The following NCKAP1L variants were observed in gnomAD, a reference collection of about 807,000 sequenced individuals.
The protein encoded by NCKAP1L is nck-associated protein 1-like.
NCKAP1L carries 53 observed loss-of-function variants against 139.2 expected under a neutral mutation model. The ratio of observed to expected loss-of-function variants is 0.38; its 90% CI spans 0.31 to 0.48. The LOEUF (loss-of-function observed/expected upper bound fraction) is 0.48. Among genes scored for constraint, NCKAP1L ranks in the 20% least tolerant of loss-of-function variants. The pLI is 0.98. For missense variants in NCKAP1L, 1,151 were observed against 1,381.9 expected (o/e 0.83, Z 2.65); for synonymous variants, 468 against 499.7 (o/e 0.94, Z 0.85).
Position 54,500,524 on chromosome 12 carries a change from T to C in NCKAP1L, c.214-9T>C. The C allele has an allele frequency of 6.3e-7, 1 of 1,596,664 alleles. No homozygotes were observed. The highest frequency in any genetic ancestry group is 8.6e-7 in the Non-Finnish European group (1 of 1,164,308). On this transcript the variant is annotated splice_polypyrimidine_tract_variant and intron_variant, in intron 2 of 30. Coordinates refer to ENST00000293373, the MANE Select transcript of NCKAP1L (RefSeq NM_005337.5). The stretch of plus-strand genomic sequence containing the variant: ...ACTTTTTTATTGTTTTGTTTTGTGT[T>C]TCTCTCAGCAACATTTAGGACCAGT...
intron 3 of NCKAP1L, among the ~76,000 whole-genome samples, chr12:54,506,714 T>G (rs1477156037): frequency 6.8e-6 from 1 of 146,992 alleles, no homozygotes; most frequent in African/African-American, 2.5e-5. Context: ...ATTACAGGTG[T>G]GAACCGCCAT....
intron 18 of NCKAP1L, among the ~76,000 whole-genome samples, chr12:54,523,193 C>T (rs1189477454): frequency 6.6e-6 from 1 of 152,062 alleles, no homozygotes; most frequent in African/African-American, 2.4e-5. Flanking sequence ...CCTGTACACA[C>T]AGAGATATTT....
intron 20 of NCKAP1L, among the ~76,000 whole-genome samples, chr12:54,525,739 C>G (rs542904507): frequency 1.3e-5 from 2 of 152,252 alleles, no homozygotes; most frequent in South Asian, 4.2e-4. Flanking sequence ...TTTCCCATCC[C>G]CTCCCCTGCC....
In NCKAP1L at chr12:54,545,101, C is replaced by T. The variant is rs961532238; in HGVS notation, c.*2416C>T. 6.6e-6 allele frequency: 1 copy of T among 152,194 alleles called. No individual in the cohort carries two copies. The highest frequency in any genetic ancestry group is 6.5e-5 in the Admixed American group (1 of 15,284). 9.4% of individuals were successfully genotyped at this position (152,194 alleles called of 1,614,324 possible). A position where few individuals can be genotyped will look rare whatever the true frequency, so the allele number is the denominator to read the frequency against. On this transcript the variant is annotated 3_prime_UTR_variant, in exon 31 of 31. Transcript: ENST00000293373. ...CAATTTTATAGCAATTTTCTCCTCC[C>T]ACAACCCCCTTCCCCATCTCTAGCT...
intron 3 of NCKAP1L, among the ~76,000 whole-genome samples, chr12:54,505,227 T>C (rs1255422188): frequency 6.6e-6 from 1 of 152,248 alleles, no homozygotes; most frequent in Admixed American, 6.5e-5. Flanking sequence ...AGGGCACATT[T>C]TGGGGGACAG....
In NCKAP1L at chr12:54,500,846, TAGTAA is replaced by T. The variant is rs1956792246; in HGVS notation, c.306+223_306+227del. Reference sequence around the variant, plus strand: ...AAAAGAGTATGTATGTATATGTATTTAGTAAATATCTAGGAAAGATCTGGACTATT... The same window carrying T: ...AAAAGAGTATGTATGTATATGTATTTATATCTAGGAAAGATCTGGACTATT... On this transcript the variant is annotated intron_variant, in intron 3 of 30. Coordinates refer to ENST00000293373, the MANE Select transcript of NCKAP1L (RefSeq NM_005337.5). The T allele has an allele frequency of 1.0e-5, 4 of 385,242 alleles. No homozygotes were observed. In the East Asian group the frequency reaches 1.9e-4, roughly 18 times the overall value. The allele number at this position is 385,242 out of a possible 1,614,324, so 23.9% of individuals were successfully genotyped here.
intron 3 of NCKAP1L, among the ~76,000 whole-genome samples, chr12:54,506,785 T>TAAAAAAAAAA (rs1291340610): frequency 3.3e-5 from 2 of 60,350 alleles, no homozygotes; most frequent in South Asian, 7.9e-4. Context: ...GGCAACATAT[T>TAAAAAAAAAA]AAAAAAAAAA....
At chr12:54,516,130 C>G in intron 9 of NCKAP1L, 109 bp from the exon 10 acceptor site, 2 of 1,072,286 alleles carry the variant, frequency 1.9e-6, no homozygotes, top group Non-Finnish European at 2.9e-6. Flanking sequence ...GTGAGGGCTG[C>G]CCATGCTCCC....
chr12:54,538,170 C>T (rs374062140), intron 29 of NCKAP1L, among the ~76,000 whole-genome samples: 1 of 152,228 alleles, frequency 6.6e-6, no homozygotes, highest in African/African-American at 2.4e-5. Context: ...AGGAATTATA[C>T]CCTCATTCTG....
chr12:54,503,023 AC>A, intron 3 of NCKAP1L, among the ~76,000 whole-genome samples: 7 of 150,960 alleles, frequency 4.6e-5, no homozygotes, highest in Non-Finnish European at 8.9e-5. Context: ...AAAAAAAGAA[AC>A]AAAACCCCAC....
In NCKAP1L at chr12:54,519,207, G is replaced by T. The variant is rs892001615; in HGVS notation, c.1500G>T (p.Lys500Asn). 4 of 1,569,210 alleles carry T rather than the reference G, an allele frequency of 2.5e-6. No homozygotes were observed. The highest frequency in any genetic ancestry group is 3.4e-6 in the Non-Finnish European group (4 of 1,165,458). Residue 500 changes from lysine (K) to asparagine (N), a missense_variant, in exon 16 of 31, where the codon AAG (lysine) becomes AAT (asparagine). Lys to Asn is a moderately conservative substitution (Grantham distance 94). Transcript: ENST00000293373. The part of the protein sequence containing the change: ...FRLQAYTSVA[K>N]APLHLHENPD... ...CGCAGGCATACACTAGCGTGGCTAA[G>T]GCCCCTCTGCACCTGCATGAGAACC...
intron 21 of NCKAP1L, 55 bp from the exon 22 acceptor site, chr12:54,528,192 C>T: frequency 6.3e-7 from 1 of 1,588,430 alleles, no homozygotes; most frequent in South Asian, 1.1e-5. Flanking sequence ...GTAGGGAATG[C>T]TGGTAGGGAG....
At chr12:54,519,428 A>ATTT in intron 16 of NCKAP1L, 96 bp downstream of exon 16, 3 of 781,704 alleles carry the variant, frequency 3.8e-6, no homozygotes, top group Non-Finnish European at 5.0e-6. Context: ...AATTTTGTTT[A>ATTT]ATTTTTTTTT....
intron 9 of NCKAP1L, among the ~76,000 whole-genome samples, chr12:54,515,848 G>C (rs1376211420): frequency 1.3e-5 from 2 of 152,176 alleles, no homozygotes; most frequent in African/African-American, 4.8e-5. Context: ...CTTGAGAGCA[G>C]GGCCTGTGTT....
chr12:54,536,012 T>G, intron 27 of NCKAP1L, 117 bp from the exon 28 acceptor site: 1 of 733,660 alleles, frequency 1.4e-6, no homozygotes. Flanking sequence ...AGTGTTTTCA[T>G]GGATATTTTC....
At chr12:54,501,273 G>A (rs1000610839) in intron 3 of NCKAP1L, among the ~76,000 whole-genome samples, 6 of 152,098 alleles carry the variant, frequency 3.9e-5, no homozygotes, top group Non-Finnish European at 8.8e-5. Flanking sequence ...CCCTGTTGTA[G>A]CATATTGTAG....
chr12:54,509,623 C>T (rs201962488), intron 5 of NCKAP1L, 46 bp from the exon 6 acceptor site: 1 of 1,347,136 alleles, frequency 7.4e-7, no homozygotes, highest in Non-Finnish European at 1.1e-6. Context: ...GAGTTCAAGT[C>T]ATGGGTAAGG....
intron 30 of NCKAP1L, among the ~76,000 whole-genome samples, chr12:54,539,716 C>T (rs960886619): frequency 1.3e-5 from 2 of 152,186 alleles, no homozygotes; most frequent in Admixed American, 1.3e-4. Flanking sequence ...CTCCTTGAGC[C>T]TTCCTCTAGT....
Position 54,498,074 on chromosome 12 carries a change from T to G in NCKAP1L, c.102+183T>G, listed in dbSNP as rs1303056587. 3.9e-5 allele frequency among the ~76,000 whole-genome samples: 6 copies of G among 152,082 alleles called. No homozygotes were observed. In the East Asian group the frequency reaches 1.2e-3, roughly 29 times the overall value. ...GTTCAGGAAGGCAGAAGTGGAGGCT[T>G]CTTTTCAAGGCTTCCCCTTTCTAGA... is the stretch of plus-strand genomic sequence containing the variant. On this transcript the variant is annotated intron_variant, in intron 1 of 30. Transcript: ENST00000293373.
Sources: allele counts gnomAD v4.1 joint callset (sites outside exome capture counted in the v4.1 genomes callset), GRCh38; gene constraint gnomAD v4.1.1; transcripts MANE v1.5; gene names NCBI Gene and HGNC (gene_info 2026-07-23, HGNC 2026-07-21).